IFRD1: variants seen among roughly 807,000 people sequenced by gnomAD.
IFRD1 encodes interferon-related developmental regulator 1.
In IFRD1, 35 loss-of-function variants were observed where a neutral mutation model predicts 52.9. The ratio of observed to expected loss-of-function variants is 0.66; its 90% CI spans 0.51 to 0.88. IFRD1 has a LOEUF of 0.88. Among genes scored for constraint, IFRD1 ranks in the 40% least tolerant of loss-of-function variants. The probability of loss-of-function intolerance (pLI) is 0.00; values close to 1 mark genes in which losing one functional copy is unlikely to be tolerated. For missense variants in IFRD1, 517 were observed against 550.8 expected (o/e 0.94, Z 0.61); for synonymous variants, 184 against 188.4 (o/e 0.98, Z 0.19).
chr7:112,465,472 C>CTGAA (rs1401251333), intron 8 of IFRD1, among the ~76,000 whole-genome samples: 1 of 152,150 alleles, frequency 6.6e-6, no homozygotes, highest in African/African-American at 2.4e-5. Context: ...AAATAATTAT[C>CTGAA]TTCAGCTGAC....
intron 1 of IFRD1, among the ~76,000 whole-genome samples, chr7:112,440,275 G>A (rs1450754670): frequency 6.6e-6 from 1 of 152,092 alleles, no homozygotes; most frequent in Admixed American, 6.5e-5. Context: ...GTGAGCCACG[G>A]CACTCGGTCA....
intron 1 of IFRD1, among the ~76,000 whole-genome samples, chr7:112,440,524 C>A (rs1466307626): frequency 6.6e-6 from 1 of 152,170 alleles, no homozygotes; most frequent in Non-Finnish European, 1.5e-5. Context: ...GTTCAGAATT[C>A]TTTTGGCTGG....
intron 4 of IFRD1, among the ~76,000 whole-genome samples, 153 bp from the exon 5 acceptor site, chr7:112,458,708 A>G (rs973411187): frequency 6.6e-6 from 1 of 152,216 alleles, no homozygotes; most frequent in Non-Finnish European, 1.5e-5. Context: ...TGAGCTCTTT[A>G]GCCTAAGTTT....
upstream of IFRD1, chr7:112,450,332 G>C: frequency 1.5e-5 from 4 of 266,028 alleles, 1 homozygote; most frequent in South Asian, 1.5e-4. Context: ...TAGGATCCGC[G>C]CCCCGCCCGA....
intron 1 of IFRD1, among the ~76,000 whole-genome samples, chr7:112,436,146 T>C (rs13225051): frequency 0.19 from 28,975 of 152,180 alleles, 3,654 homozygotes; most frequent in Non-Finnish European, 0.28. Context: ...CCTCCCAAAG[T>C]GCTAGGATTA....
At chr7:112,436,122 T>A (rs2117240011) in intron 1 of IFRD1, among the ~76,000 whole-genome samples, 1 of 152,270 alleles carries the variant, frequency 6.6e-6, no homozygotes, top group Middle Eastern at 3.4e-3. Flanking sequence ...ACCTCAGGTA[T>A]CTGCCCACTT....
At chr7:112,429,309 G>A (rs965860800) in intron 1 of IFRD1, among the ~76,000 whole-genome samples, 26 of 152,302 alleles carry the variant, frequency 1.7e-4, no homozygotes, top group African/African-American at 5.1e-4. Context: ...TATCATAGTC[G>A]TTGGGCACAT....
intron 1 of IFRD1, among the ~76,000 whole-genome samples, chr7:112,427,800 G>A (rs1281162778): frequency 2.0e-5 from 3 of 152,148 alleles, no homozygotes; most frequent in Admixed American, 2.0e-4. Context: ...TATCTAGTGA[G>A]ACCTACATTC....
At position 112,436,047 on chromosome 7, in the gene IFRD1, T is replaced by A. The variant is rs1794681978; in HGVS notation, c.-182+12615T>A. 2.0e-5 allele frequency among the ~76,000 whole-genome samples: 3 copies of A among 152,000 alleles called. No homozygotes were observed. In the South Asian group the frequency reaches 6.2e-4, roughly 32 times the overall value. ...ACAGGCGTGCGCCACCATGTCTGGC[T>A]AATTTTTGTATTTTTAGTAGGGATG... On this transcript the variant is annotated intron_variant, in intron 1 of 12. Transcript: ENST00000005558.
At position 112,450,789 on chromosome 7, in the gene IFRD1, G is replaced by A. The variant is rs1199172256; in HGVS notation, c.94+7G>A. The A allele has an allele frequency of 3.7e-6, 6 of 1,603,112 alleles. No individual in the cohort carries two copies. The highest frequency in any genetic ancestry group is 5.1e-6 in the Non-Finnish European group (6 of 1,171,586). The stretch of plus-strand genomic sequence containing the variant: ...GCGACGGCGGCGACAGCAGGTAAGG[G>A]GTATCCCCGCCGCCGGCATCCCAGT... On this transcript the variant is annotated splice_region_variant and intron_variant, in intron 1 of 11. Coordinates refer to ENST00000403825, the MANE Select transcript of IFRD1 (RefSeq NM_001550.4).
chr7:112,457,369 G>C (rs1331747767), intron 4 of IFRD1: 1 of 430,772 alleles, frequency 2.3e-6, no homozygotes, highest in Non-Finnish European at 4.1e-6. Context: ...ATTTTCCCTT[G>C]CACTTATATA....
chr7:112,449,578 A>G (rs1387172651), upstream of IFRD1, among the ~76,000 whole-genome samples: 1 of 152,218 alleles, frequency 6.6e-6, no homozygotes, highest in Non-Finnish European at 1.5e-5. Flanking sequence ...TAAATACTAG[A>G]CAAATGTCCT....
intron 5 of IFRD1, among the ~76,000 whole-genome samples, chr7:112,460,621 A>G (rs1009779649): frequency 6.6e-6 from 1 of 152,126 alleles, no homozygotes; most frequent in South Asian, 2.1e-4. Flanking sequence ...CTGCTTGCTT[A>G]GCAGTAGGGA....
chr7:112,472,745 C>A (rs932591163), intron 10 of IFRD1, 21 bp from the exon 11 acceptor site: 2 of 1,462,964 alleles, frequency 1.4e-6, no homozygotes, highest in Non-Finnish European at 1.9e-6. Context: ...TGAGCCATAC[C>A]ACCTTTTTCT....
At chr7:112,431,584 T>G (rs771165542) in intron 1 of IFRD1, among the ~76,000 whole-genome samples, 12 of 152,134 alleles carry the variant, frequency 7.9e-5, no homozygotes, top group Non-Finnish European at 1.3e-4. Context: ...CTCCTTCCCA[T>G]CCTATTGCAA....
At position 112,475,548 on chromosome 7, in the gene IFRD1, ATTTCTATTTTTT is replaced by A. The variant is rs1355655605; in HGVS notation, c.*39_*50del. On this transcript the variant is annotated 3_prime_UTR_variant, in exon 12 of 12. Coordinates refer to ENST00000403825, the MANE Select transcript of IFRD1 (RefSeq NM_001550.4). ...TTCAGAACTTGAAGACTATTTTCTA[ATTTCTATTTTTT>A]TTTCTATTTCAATGTATTTAAACTC... The A allele has an allele frequency of 1.5e-6, 2 of 1,357,320 alleles. No individual in the cohort carries two copies. The highest frequency in any genetic ancestry group is 2.1e-6 in the Non-Finnish European group (2 of 952,698). The allele number at this position is 1,357,320 out of a possible 1,614,324, so 84.1% of individuals were successfully genotyped here. A position where few individuals can be genotyped will look rare whatever the true frequency, so the allele number is the denominator to read the frequency against.
chr7:112,470,708 T>C (rs950126063), intron 9 of IFRD1, among the ~76,000 whole-genome samples: 1 of 152,224 alleles, frequency 6.6e-6, no homozygotes, highest in Non-Finnish European at 1.5e-5. Flanking sequence ...GTCCCTGATA[T>C]AAAATGGCAT....
At chr7:112,459,785 G>C (rs1178724713) in intron 5 of IFRD1, among the ~76,000 whole-genome samples, 1 of 152,166 alleles carries the variant, frequency 6.6e-6, no homozygotes, top group African/African-American at 2.4e-5. Flanking sequence ...GGCAGCCAGG[G>C]TAGCTAGGTG....
At chr7:112,452,016 C>G (rs1295795464) in intron 1 of IFRD1, 1 of 982,880 alleles carries the variant, frequency 1.0e-6, no homozygotes, top group East Asian at 1.1e-4. Flanking sequence ...GGGAGGGATT[C>G]TTAAAACAGC....
Sources: allele counts gnomAD v4.1 joint callset (sites outside exome capture counted in the v4.1 genomes callset), GRCh38; gene constraint gnomAD v4.1.1; transcripts MANE v1.5; gene names NCBI Gene and HGNC (gene_info 2026-07-23, HGNC 2026-07-21).